Variants in CLIC2 observed in about 807,000 individuals in gnomAD.
CLIC2 encodes chloride intracellular channel protein 2.
In CLIC2, 9 loss-of-function variants were observed where a neutral mutation model predicts 14.8. The ratio of observed to expected loss-of-function variants is 0.61; its 90% CI spans 0.37 to 1.06. The LOEUF (loss-of-function observed/expected upper bound fraction) is 1.06. CLIC2 is among the 50% of genes least tolerant of loss of function. The pLI, the probability that CLIC2 is intolerant of heterozygous loss-of-function variation, is 0.01. For synonymous variants in CLIC2, 61 were observed against 66.3 expected (o/e 0.92, Z 0.39); for missense variants, 148 against 181.4 (o/e 0.82, Z 1.06).
intron 1 of CLIC2, among the ~76,000 whole-genome samples, chrX:155,321,989 T>C (rs1557321716): frequency 1.8e-5 from 2 of 111,286 alleles, no homozygotes; most frequent in Non-Finnish European, 3.8e-5. Context: ...GGTCAAGGAA[T>C]CAATGCAACA....
intron 1 of CLIC2, among the ~76,000 whole-genome samples, chrX:155,312,803 G>GA (rs1467307853): frequency 1.8e-5 from 2 of 111,529 alleles, no homozygotes; most frequent in African/African-American, 6.5e-5. Context: ...CATGAACATG[G>GA]AATGTTTTTC....
At chrX:155,317,972 A>G (rs2075100862) in intron 1 of CLIC2, among the ~76,000 whole-genome samples, 1 of 112,025 alleles carries the variant, frequency 8.9e-6, no homozygotes, top group Non-Finnish European at 1.9e-5. Context: ...TCATCTCAAT[A>G]GATACATAAA....
At chrX:155,292,673 G>T in intron 3 of CLIC2, 1 of 308,044 alleles carries the variant, frequency 3.2e-6, no homozygotes, top group Non-Finnish European at 5.7e-6. Flanking sequence ...GGGAGGCTGA[G>T]GCAGGAGAAT....
intron 1 of CLIC2, among the ~76,000 whole-genome samples, chrX:155,306,657 G>A (rs1180645247): frequency 1.8e-5 from 2 of 111,102 alleles, no homozygotes; most frequent in African/African-American, 6.5e-5. Context: ...AGCTTCTGGG[G>A]AGGCCTCAGG....
chrX:155,333,887 A>G (rs782229114), intron 1 of CLIC2, among the ~76,000 whole-genome samples: 2 of 110,351 alleles, frequency 1.8e-5, no homozygotes, highest in South Asian at 7.8e-4. Context: ...AGAAGTTTAG[A>G]AAGTTCTGTC....
chrX:155,304,923 G>T (rs1300366113), intron 1 of CLIC2, among the ~76,000 whole-genome samples: 7 of 104,273 alleles, frequency 6.7e-5, no homozygotes, highest in Admixed American at 3.1e-4. Flanking sequence ...CACTTGAGGA[G>T]GCAGTCTGCC....
intron 1 of CLIC2, among the ~76,000 whole-genome samples, chrX:155,328,240 A>ATT (rs1557322524): frequency 1.8e-5 from 2 of 111,385 alleles, no homozygotes; most frequent in Non-Finnish European, 3.8e-5. Flanking sequence ...TGCAGATGAT[A>ATT]TGATCTTATA....
chrX:155,280,197 T>C (rs2074913768), intron 3 of CLIC2, 129 bp from the exon 4 acceptor site: 1 of 493,568 alleles, frequency 2.0e-6, no homozygotes, highest in African/African-American at 2.4e-5. Flanking sequence ...CTTAGAAGTC[T>C]CTCAGTAGAA....
chrX:155,330,676 A>T (rs1484105457), intron 1 of CLIC2, among the ~76,000 whole-genome samples: 1 of 111,167 alleles, frequency 9.0e-6, no homozygotes, highest in African/African-American at 3.3e-5. Context: ...AAGAACAAAA[A>T]ACACCCCCAA....
intron 1 of CLIC2, among the ~76,000 whole-genome samples, chrX:155,307,854 G>A (rs1483576977): frequency 9.0e-6 from 1 of 111,585 alleles, no homozygotes; most frequent in African/African-American, 3.3e-5. Flanking sequence ...TCCAGCATGG[G>A]CAACAGAGTG....
chrX:155,314,227 C>T (rs2075086323), intron 1 of CLIC2, among the ~76,000 whole-genome samples: 1 of 111,246 alleles, frequency 9.0e-6, no homozygotes, highest in Admixed American at 9.5e-5. Context: ...TAGACTACTA[C>T]AACTGATGTG....
chrX:155,301,012 G>C (rs1449369100), intron 1 of CLIC2, among the ~76,000 whole-genome samples: 1 of 52,239 alleles, frequency 1.9e-5, no homozygotes. Flanking sequence ...CAGGTAGTGT[G>C]ATGCCTCCAG....
chrX:155,292,214 A>G, intron 3 of CLIC2: 2 of 568,499 alleles, frequency 3.5e-6, no homozygotes, highest in Non-Finnish European at 6.5e-6. Context: ...GACCTCCTTT[A>G]AAAGGAAATA....
At chrX:155,305,096 G>A (rs1343209541) in intron 1 of CLIC2, among the ~76,000 whole-genome samples, 3 of 112,331 alleles carry the variant, frequency 2.7e-5, no homozygotes, top group South Asian at 3.7e-4. Flanking sequence ...TTTGAGCTGT[G>A]GTGGGCTCCA....
chrX:155,281,272 G>A (rs953137619), intron 3 of CLIC2, among the ~76,000 whole-genome samples: 1 of 109,160 alleles, frequency 9.2e-6, no homozygotes, highest in Non-Finnish European at 1.9e-5. Context: ...TGTAGAATGA[G>A]TAAGTCTAGA....
chrX:155,288,860 T>A (rs1454161220), intron 3 of CLIC2, among the ~76,000 whole-genome samples: 1 of 111,284 alleles, frequency 9.0e-6, no homozygotes, highest in Non-Finnish European at 1.9e-5. Context: ...AAATAAGTGC[T>A]TTGGCCGGGC....
chrX:155,310,817 A>C (rs2075071555), intron 1 of CLIC2, among the ~76,000 whole-genome samples: 2 of 112,704 alleles, frequency 1.8e-5, no homozygotes, highest in Non-Finnish European at 3.8e-5. Flanking sequence ...ACAGGTTCCC[A>C]AACCTCAATT....
chrX:155,312,287 T>C (rs2075077127), intron 1 of CLIC2, among the ~76,000 whole-genome samples: 1 of 111,822 alleles, frequency 8.9e-6, no homozygotes, highest in Non-Finnish European at 1.9e-5. Context: ...CCAGGGTTTT[T>C]GCAGTTTTGC....
intron 1 of CLIC2, among the ~76,000 whole-genome samples, chrX:155,316,467 C>A (rs2124204709): frequency 9.0e-6 from 1 of 111,137 alleles, no homozygotes; most frequent in African/African-American, 3.3e-5. Context: ...AAGGAATCCT[C>A]AAAACCACAC....
Sources: allele counts gnomAD v4.1 joint callset (sites outside exome capture counted in the v4.1 genomes callset), GRCh38; gene constraint gnomAD v4.1.1; transcripts MANE v1.5; gene names NCBI Gene and HGNC (gene_info 2026-07-23, HGNC 2026-07-21).